Variants in GALNT13 observed in about 807,000 individuals in gnomAD.
The protein encoded by GALNT13 is polypeptide N-acetylgalactosaminyltransferase 13.
GALNT13 carries 28 observed loss-of-function variants against 64.2 expected under a neutral mutation model. That is an observed-to-expected ratio of 0.44 (90% CI 0.32 to 0.60). The LOEUF is 0.60. Among genes scored for constraint, GALNT13 ranks in the 20% least tolerant of loss-of-function variants. The pLI is 0.05. For synonymous variants in GALNT13, 214 were observed against 224.6 expected, an observed-to-expected ratio of 0.95 and a Z score of 0.42; for missense variants, 577 against 669.8, an observed-to-expected ratio of 0.86 and a Z score of 1.53.
chr2:153,400,563 T>A, the GALNT13 span, among the ~76,000 whole-genome samples: 1 of 152,078 alleles, frequency 6.6e-6, no homozygotes, highest in African/African-American at 2.4e-5. Context: ...CCTGGACTCT[T>A]TTTGGTTGGT....
the GALNT13 span, among the ~76,000 whole-genome samples, chr2:153,685,794 T>G: frequency 1.3e-5 from 2 of 152,066 alleles, no homozygotes; most frequent in Non-Finnish European, 2.9e-5. Context: ...TTTTATGGTT[T>G]GGGGTTTTAC....
At chr2:153,223,731 G>A in the GALNT13 span, among the ~76,000 whole-genome samples, 1 of 152,088 alleles carries the variant, frequency 6.6e-6, no homozygotes, top group Admixed American at 6.5e-5. Flanking sequence ...GGCTGAAGCT[G>A]GGGGATCACT....
chr2:153,187,006 T>C, the GALNT13 span, among the ~76,000 whole-genome samples: 1 of 152,208 alleles, frequency 6.6e-6, no homozygotes, highest in Non-Finnish European at 1.5e-5. Context: ...TGGAGAAATA[T>C]ACATTTCCAA....
the GALNT13 span, among the ~76,000 whole-genome samples, chr2:153,116,732 G>A: frequency 6.6e-5 from 10 of 150,504 alleles, no homozygotes; most frequent in South Asian, 6.3e-4. Context: ...GGAAAAAAGT[G>A]TACAGCCTCA....
chr2:153,484,650 C>T, the GALNT13 span, among the ~76,000 whole-genome samples: 2 of 152,172 alleles, frequency 1.3e-5, no homozygotes, highest in Admixed American at 6.5e-5. Context: ...ATGTTAAAAT[C>T]ACCTAAAGAT....
At chr2:154,258,847 A>G (rs1690531566) in intron 7 of GALNT13, among the ~76,000 whole-genome samples, 174 bp from the exon 8 acceptor site, 1 of 151,938 alleles carries the variant, frequency 6.6e-6, no homozygotes, top group African/African-American at 2.4e-5. Context: ...TTTAAAGAAA[A>G]TGTGAAAAAA....
At chr2:153,609,792 G>T in the GALNT13 span, among the ~76,000 whole-genome samples, 1 of 152,026 alleles carries the variant, frequency 6.6e-6, no homozygotes, top group Admixed American at 6.6e-5. Context: ...CAAACATCTA[G>T]TATAACTGCA....
the GALNT13 span, among the ~76,000 whole-genome samples, chr2:153,308,106 G>A: frequency 6.6e-6 from 1 of 152,022 alleles, no homozygotes; most frequent in Non-Finnish European, 1.5e-5. Flanking sequence ...TGAAAACCTG[G>A]GGGCTATTTT....
At chr2:154,152,373 T>C (rs535074380) in intron 4 of GALNT13, among the ~76,000 whole-genome samples, 1 of 152,240 alleles carries the variant, frequency 6.6e-6, no homozygotes, top group East Asian at 1.9e-4. Context: ...ATTTTTTCCT[T>C]CATTTCAGCT....
At chr2:153,154,979 G>GTGAATCTAT in the GALNT13 span, among the ~76,000 whole-genome samples, 1 of 152,158 alleles carries the variant, frequency 6.6e-6, no homozygotes, top group Non-Finnish European at 1.5e-5. Context: ...CATCTATTGA[G>GTGAATCTAT]AAAATCATGT....
chr2:153,621,770 G>T, the GALNT13 span, among the ~76,000 whole-genome samples: 1 of 152,034 alleles, frequency 6.6e-6, no homozygotes, highest in Non-Finnish European at 1.5e-5. Context: ...ACCAGCCAGT[G>T]TTATGACCCA....
intron 9 of GALNT13, among the ~76,000 whole-genome samples, chr2:154,369,001 G>GTTA (rs1239642970): frequency 6.6e-6 from 1 of 151,388 alleles, no homozygotes; most frequent in Non-Finnish European, 1.5e-5. Context: ...ACACCGAGTT[G>GTTA]TTGTTGTTGT....
chr2:154,095,820 A>G (rs183285563), intron 3 of GALNT13, among the ~76,000 whole-genome samples: 92 of 152,036 alleles, frequency 6.1e-4, no homozygotes, highest in Admixed American at 1.4e-3. Flanking sequence ...ATTTTGTCCT[A>G]TGTTAAAGAT....
the GALNT13 span, among the ~76,000 whole-genome samples, chr2:153,599,377 C>T: frequency 1.3e-5 from 2 of 152,026 alleles, no homozygotes; most frequent in African/African-American, 4.8e-5. Context: ...ATCAATCTCT[C>T]TTCATCCTTC....
At chr2:153,513,998 A>G in the GALNT13 span, among the ~76,000 whole-genome samples, 1 of 152,170 alleles carries the variant, frequency 6.6e-6, no homozygotes, top group African/African-American at 2.4e-5. Context: ...GGTTTGTCTC[A>G]AGCTCTATTT....
At chr2:154,186,980 G>A (rs1003648932) in intron 4 of GALNT13, among the ~76,000 whole-genome samples, 10 of 150,948 alleles carry the variant, frequency 6.6e-5, no homozygotes, top group African/African-American at 2.2e-4. Context: ...TTAAATAACA[G>A]AACCAAAAAA....
At chr2:153,114,394 G>A in the GALNT13 span, among the ~76,000 whole-genome samples, 5 of 152,096 alleles carry the variant, frequency 3.3e-5, no homozygotes, top group Non-Finnish European at 5.9e-5. Flanking sequence ...TAGAGAAGAC[G>A]TCAGTCAATT....
the GALNT13 span, among the ~76,000 whole-genome samples, chr2:153,294,634 G>C: frequency 1.3e-5 from 2 of 152,154 alleles, no homozygotes; most frequent in Non-Finnish European, 2.9e-5. Flanking sequence ...GGGAGCTGGG[G>C]CTGGAAGAGA....
the GALNT13 span, among the ~76,000 whole-genome samples, chr2:153,583,367 G>A: frequency 1.3e-5 from 2 of 152,148 alleles, no homozygotes; most frequent in Non-Finnish European, 2.9e-5. Context: ...TCCAGGATAC[G>A]TTATCCACTT....
Sources: gnomAD v4.1 joint callset for allele counts (sites outside exome capture counted in the v4.1 genomes callset) on GRCh38, gnomAD v4.1.1 for gene constraint, MANE v1.5 for transcripts, NCBI Gene and HGNC (gene_info 2026-07-23, HGNC 2026-07-21) for gene names.